Variants in H6PD observed in about 807,000 individuals in gnomAD.
H6PD encodes GDH/6PGL endoplasmic bifunctional protein.
H6PD carries 48 observed loss-of-function variants against 61.2 expected under a neutral mutation model. The ratio of observed to expected loss-of-function variants is 0.78; its 90% CI spans 0.62 to 1.00. The LOEUF (loss-of-function observed/expected upper bound fraction) is 1.00. Among genes scored for constraint, H6PD ranks in the 50% least tolerant of loss-of-function variants. H6PD has a pLI of 0.00. For synonymous variants in H6PD, 480 were observed against 457.9 expected, an observed-to-expected ratio of 1.05 and a Z score of -0.62; for missense variants, 1,093 against 1,065.0, an observed-to-expected ratio of 1.03 and a Z score of -0.37.
chr1:9,246,958 C>CA lies in H6PD; in HGVS notation c.628-8_628-7insA. The CA allele has an allele frequency of 1.3e-6, 2 of 1,596,984 alleles. No individual in the cohort carries two copies. The highest frequency in any genetic ancestry group is 4.5e-5 in the East Asian group (2 of 44,734). On this transcript the variant is annotated splice_region_variant and splice_polypyrimidine_tract_variant and intron_variant, in intron 2 of 4. Transcript: ENST00000377403. ...CCTGCAGCACGCCCAGTCTTCCCCC[C>CA]CCGACAGGCTGTGGCGCAGATCCTG...
chr1:9,238,116 A>G (rs1234258817), intron 1 of H6PD, among the ~76,000 whole-genome samples: 1 of 152,096 alleles, frequency 6.6e-6, no homozygotes, highest in Non-Finnish European at 1.5e-5. Flanking sequence ...CCTCACTGAG[A>G]AGATGACATT....
chr1:9,251,599 G>A (rs926997309), intron 3 of H6PD, among the ~76,000 whole-genome samples: 2 of 152,148 alleles, frequency 1.3e-5, no homozygotes, highest in Non-Finnish European at 2.9e-5. Context: ...GCCTCTCACC[G>A]AGGGACCAGG....
intron 3 of H6PD, among the ~76,000 whole-genome samples, chr1:9,258,320 T>TA (rs1281398120): frequency 6.6e-6 from 1 of 152,142 alleles, no homozygotes; most frequent in Non-Finnish European, 1.5e-5. Context: ...CCGATATTGT[T>TA]ACGCCAGGGT....
intron 1 of H6PD, among the ~76,000 whole-genome samples, chr1:9,235,892 G>T (rs1347721985): frequency 5.3e-5 from 8 of 152,264 alleles, no homozygotes; most frequent in African/African-American, 1.9e-4. Context: ...GATTACAGGT[G>T]TGAAGCACCA....
Position 9,247,811 on chromosome 1 carries a change from T to C in H6PD, c.745+728T>C, listed in dbSNP as rs578037840. Reference sequence around the variant, plus strand: ...TTGCAGCTGTGAGATGAGCATGTCCTGTCGGTGAGGACAGCTAAGGTCCCT... The same window carrying C: ...TTGCAGCTGTGAGATGAGCATGTCCCGTCGGTGAGGACAGCTAAGGTCCCT... On this transcript the variant is annotated intron_variant, in intron 3 of 4. Transcript: ENST00000377403. Among the ~76,000 whole-genome samples the C allele has an allele frequency of 3.6e-3, 531 of 147,824 alleles. 1 individual carries two copies. The highest frequency in any genetic ancestry group is 4.0e-3 in the Non-Finnish European group (270 of 67,490).
chr1:9,239,752 C>T, intron 1 of H6PD: 1 of 377,596 alleles, frequency 2.6e-6, no homozygotes, highest in Non-Finnish European at 4.7e-6. Flanking sequence ...GGGAACAGGG[C>T]AGCAGCAGAC....
chr1:9,254,090 T>G lies in H6PD; in HGVS notation c.745+7007T>G, dbSNP rs1340289256. 2.0e-5 allele frequency among the ~76,000 whole-genome samples: 3 copies of G among 152,178 alleles called. No individual in the cohort carries two copies. Among genetic ancestry groups the G allele is most frequent in the African/African-American group, 7.2e-5 (3 of 41,444 alleles). Reference sequence around the variant, plus strand: ...ACCGGGGCAGGCTGGGCACGGGGGCTTATACCTGTAATCCCAGCACTTTGG... The same window carrying G: ...ACCGGGGCAGGCTGGGCACGGGGGCGTATACCTGTAATCCCAGCACTTTGG... On this transcript the variant is annotated intron_variant, in intron 3 of 4. Transcript: ENST00000377403. The surrounding 1 kb of genome is among the most constrained non-coding windows in gnomAD (Gnocchi z 4.6).
chr1:9,264,804 T>C lies in H6PD; in HGVS notation c.2311T>C (p.Ser771Pro). ...VGHEPKKWPI[S>P]GVLPHSGQLV... ...CCATGAGCCCAAGAAGTGGCCCATC[T>C]CGGGTGTCCTGCCGCACTCCGGCCA... The change falls in exon 5 of 5, where the codon TCG becomes CCG. Residue 771 changes from serine (S) to proline (P), a missense_variant. Ser to Pro is a moderately conservative substitution (Grantham distance 74). Coordinates refer to ENST00000377403, the MANE Select transcript of H6PD (RefSeq NM_004285.4). The C allele has an allele frequency of 6.2e-7, 1 of 1,612,950 alleles. No homozygotes were observed. The highest frequency in any genetic ancestry group is 8.5e-7 in the Non-Finnish European group (1 of 1,180,018).
In H6PD at chr1:9,245,624, C is replaced by T; in HGVS notation, c.627+63C>T. 1 of 1,505,436 alleles carries T rather than the reference C, an allele frequency of 6.6e-7. No individual in the cohort carries two copies. The highest frequency in any genetic ancestry group is 1.1e-5 in the South Asian group (1 of 88,236). The allele number at this position is 1,505,436 out of a possible 1,614,324, so 93.3% of individuals were successfully genotyped here. A position where few individuals can be genotyped will look rare whatever the true frequency, so the allele number is the denominator to read the frequency against. On this transcript the variant is annotated intron_variant, in intron 2 of 4. Coordinates refer to ENST00000377403, the MANE Select transcript of H6PD (RefSeq NM_004285.4). The surrounding 1 kb of genome is among the most constrained non-coding windows in gnomAD (Gnocchi z 4.8). ...GCTGGGCGCTGGTAGACCCCAGCAACAAAGCCGCTCGCTCATTGTGGAGCT... is the reference window on the plus strand; with the variant it reads ...GCTGGGCGCTGGTAGACCCCAGCAATAAAGCCGCTCGCTCATTGTGGAGCT...
Position 9,262,120 on chromosome 1 carries a change from G to T in H6PD, c.807G>T (p.Thr269=). The T allele has an allele frequency of 6.2e-7, 1 of 1,614,200 alleles. No homozygotes were observed. The change falls in exon 4 of 5, where the codon ACG becomes ACT. Residue 269 remains threonine (T), a synonymous_variant. Transcript: ENST00000377403. ...GCGACGTCCTCCAGAACCATCTGACGGAGGTCCTCACCCTCGTGGCCATGG... is the reference window on the plus strand; with the variant it reads ...GCGACGTCCTCCAGAACCATCTGACTGAGGTCCTCACCCTCGTGGCCATGG... ...VIRDVLQNHL[T]EVLTLVAMEL... is the part of the protein sequence containing the mutation.
At position 9,266,453 on chromosome 1, in the gene H6PD, C is replaced by G. The variant is rs1419866165; in HGVS notation, c.*1584C>G. ...AGCCCCCAAGGAGGGCTCTGACATT[C>G]TTTTTAAAAACACCACAAAGCAAAA... On this transcript the variant is annotated 3_prime_UTR_variant, in exon 5 of 5. Coordinates refer to ENST00000377403, the MANE Select transcript of H6PD (RefSeq NM_004285.4). The G allele has an allele frequency of 6.6e-6, 1 of 152,190 alleles. No individual in the cohort carries two copies. The highest frequency in any genetic ancestry group is 1.5e-5 in the Non-Finnish European group (1 of 68,030). 9.4% of individuals were successfully genotyped at this position (152,190 alleles called of 1,614,324 possible). A position where few individuals can be genotyped will look rare whatever the true frequency, so the allele number is the denominator to read the frequency against.
In H6PD at chr1:9,264,295, AGC is replaced by A; in HGVS notation, c.1803_1804del (p.Gln601HisfsTer19). 6.2e-7 allele frequency: 1 copy of A among 1,611,034 alleles called. No individual in the cohort carries two copies. Among genetic ancestry groups the A allele is most frequent in the Non-Finnish European group, 8.5e-7 (1 of 1,179,664 alleles). ...TCGAGCCCCGTGGCCCTGTTCCAGC[AGC>A]TGGCCACGGCGCACTATGGCTTCCC... On this transcript the variant is annotated frameshift_variant, in exon 5 of 5. Transcript: ENST00000377403. LOFTEE classifies it high-confidence loss of function.
At chr1:9,237,234 C>CTTTT (rs1557733262) in intron 1 of H6PD, among the ~76,000 whole-genome samples, 4 of 74,690 alleles carry the variant, frequency 5.4e-5, no homozygotes, top group South Asian at 7.3e-4. Flanking sequence ...TATTTGACTT[C>CTTTT]TCTTTTTTTT....
chr1:9,241,070 G>C (rs1003200603), intron 1 of H6PD, among the ~76,000 whole-genome samples: 1 of 152,196 alleles, frequency 6.6e-6, no homozygotes, highest in Non-Finnish European at 1.5e-5. Flanking sequence ...AGGAACCAGG[G>C]TTGGTTCTCC....
chr1:9,251,598 C>T (rs566037777), intron 3 of H6PD, among the ~76,000 whole-genome samples: 1 of 152,242 alleles, frequency 6.6e-6, no homozygotes, highest in South Asian at 2.1e-4. Flanking sequence ...TGCCTCTCAC[C>T]GAGGGACCAG....
chr1:9,245,099 G>A lies in H6PD; in HGVS notation c.165G>A (p.Gly55=). Residue 55 remains glycine (G), a synonymous_variant, in exon 2 of 5, where the codon GGG becomes GGA. Transcript: ENST00000377403. The surrounding 1 kb of genome is among the most constrained non-coding windows in gnomAD (Gnocchi z 4.8). ...TCCAGCTGTACCTGGATGAAGCGGG[G>A]AGGGGTCACAGTTTTAGCTTCCATG... ...GLFQLYLDEA[G]RGHSFSFHGA... 2 of 1,614,212 alleles carry A rather than the reference G, an allele frequency of 1.2e-6. No homozygotes were observed. The highest frequency in any genetic ancestry group is 1.7e-6 in the Non-Finnish European group (2 of 1,180,034).
chr1:9,262,867 G>A (rs990327012), intron 4 of H6PD, among the ~76,000 whole-genome samples: 5 of 152,190 alleles, frequency 3.3e-5, no homozygotes, highest in East Asian at 1.9e-4. Flanking sequence ...CAAGCCTCAC[G>A]CACCAACCAC....
rs1422173599 is a variant in H6PD, at chr1:9,268,801, C to T, written c.*3932C>T. On this transcript the variant is annotated 3_prime_UTR_variant, in exon 5 of 5. Coordinates refer to ENST00000377403, the MANE Select transcript of H6PD (RefSeq NM_004285.4). ...AGGGCTCAGGCTCCCAATTCCGGGC[C>T]TGTCTGCTTTGCTTGTGTTTCTCCT... is the stretch of plus-strand genomic sequence containing the variant. The T allele has an allele frequency of 6.6e-6, 1 of 152,208 alleles. No individual in the cohort carries two copies. The highest frequency in any genetic ancestry group is 1.5e-5 in the Non-Finnish European group (1 of 68,042). 9.4% of individuals were successfully genotyped at this position (152,208 alleles called of 1,614,324 possible).
intron 1 of H6PD, among the ~76,000 whole-genome samples, chr1:9,243,551 C>T (rs970869733): frequency 1.2e-4 from 18 of 152,186 alleles, no homozygotes; most frequent in Non-Finnish European, 1.0e-4. Context: ...TCTTCCTTTC[C>T]CTCCAACACT....
Sources: allele counts gnomAD v4.1 joint callset (sites outside exome capture counted in the v4.1 genomes callset), GRCh38; gene constraint gnomAD v4.1.1; non-coding constraint Gnocchi (gnomAD v3.1); transcripts MANE v1.5; gene names NCBI Gene and HGNC (gene_info 2026-07-23, HGNC 2026-07-21).